The following ITGA1 variants were observed in gnomAD, a reference collection of about 807,000 sequenced individuals.
The protein encoded by ITGA1 is integrin alpha-1.
In ITGA1, 85 loss-of-function variants were observed where a neutral mutation model predicts 145.9. The ratio of observed to expected loss-of-function variants is 0.58; its 90% CI spans 0.49 to 0.70. The LOEUF (loss-of-function observed/expected upper bound fraction) is 0.70, where lower values mean the gene tolerates loss of function less well. ITGA1 is among the 30% of genes least tolerant of loss of function. The probability of loss-of-function intolerance (pLI) is 0.00; values close to 1 mark genes in which losing one functional copy is unlikely to be tolerated. For missense variants in ITGA1, 1,351 were observed against 1,418.7 expected (o/e 0.95, Z 0.77); for synonymous variants, 520 against 495.3 (o/e 1.05, Z -0.66).
intron 19 of ITGA1, 44 bp from the exon 20 acceptor site, chr5:52,927,540 T>C (rs1750830107): frequency 7.4e-7 from 1 of 1,360,506 alleles, no homozygotes; most frequent in East Asian, 2.3e-5. Context: ...TATCAATATT[T>C]CACCTGCTTG....
intron 22 of ITGA1, chr5:52,932,403 C>T: frequency 3.6e-6 from 1 of 274,736 alleles, no homozygotes; most frequent in Non-Finnish European, 6.8e-6. Context: ...ATTGCATTTG[C>T]TGTCCAGTCT....
At chr5:52,912,711 AGTGTGTGTGTGTGT>A (rs67318879) in intron 14 of ITGA1, among the ~76,000 whole-genome samples, 1 of 132,370 alleles carries the variant, frequency 7.6e-6, no homozygotes, top group African/African-American at 2.9e-5. Flanking sequence ...CTATATATAT[AGTGTGTGTGTGTGT>A]GTGTGTGTGT....
At chr5:52,817,248 G>A in intron 1 of ITGA1, among the ~76,000 whole-genome samples, 1 of 152,170 alleles carries the variant, frequency 6.6e-6, no homozygotes, top group East Asian at 1.9e-4. Flanking sequence ...AGGTAGAGAA[G>A]GAAGTGTCCC....
chr5:52,883,453 A>T (rs1392373737), intron 7 of ITGA1, among the ~76,000 whole-genome samples: 1 of 152,230 alleles, frequency 6.6e-6, no homozygotes. Flanking sequence ...AATTTTGATT[A>T]TACATTAAAA....
chr5:52,921,018 G>A (rs1750723544), intron 17 of ITGA1, among the ~76,000 whole-genome samples: 1 of 151,788 alleles, frequency 6.6e-6, no homozygotes. Flanking sequence ...AGTGGATGAG[G>A]GAGTTTTGGA....
chr5:52,907,190 G>A (rs752587217), intron 12 of ITGA1, among the ~76,000 whole-genome samples: 1 of 152,194 alleles, frequency 6.6e-6, no homozygotes, highest in Non-Finnish European at 1.5e-5. Context: ...CTAAAGGTCA[G>A]CTCCTCAAGT....
chr5:52,911,374 G>A (rs574640198), intron 14 of ITGA1, among the ~76,000 whole-genome samples: 1 of 131,930 alleles, frequency 7.6e-6, no homozygotes, highest in Non-Finnish European at 1.6e-5. Flanking sequence ...TATATAGTGA[G>A]TATATAGTAT....
intron 9 of ITGA1, among the ~76,000 whole-genome samples, chr5:52,896,159 G>C (rs1750220357): frequency 6.6e-6 from 1 of 152,222 alleles, no homozygotes; most frequent in African/African-American, 2.4e-5. Context: ...CCAGGGAGAA[G>C]TTTGAAGCAA....
At chr5:52,887,521 T>C (rs968514708) in intron 7 of ITGA1, among the ~76,000 whole-genome samples, 1 of 152,228 alleles carries the variant, frequency 6.6e-6, no homozygotes, top group African/African-American at 2.4e-5. Flanking sequence ...CCATGATGTA[T>C]GCCTCAGTCA....
chr5:52,797,278 T>G (rs1421241793), intron 1 of ITGA1, among the ~76,000 whole-genome samples: 2 of 152,058 alleles, frequency 1.3e-5, no homozygotes, highest in Non-Finnish European at 2.9e-5. Context: ...CACACTGATA[T>G]TTTTTAAAAT....
In ITGA1 at chr5:52,897,529, G is replaced by A; in HGVS notation, c.1164+1G>A. The A allele has an allele frequency of 6.2e-7, 1 of 1,610,386 alleles. No individual in the cohort carries two copies. The highest frequency in any genetic ancestry group is 8.5e-7 in the Non-Finnish European group (1 of 1,176,978). On this transcript the variant is annotated splice_donor_variant, in intron 10 of 28. Coordinates refer to ENST00000282588, the MANE Select transcript of ITGA1 (RefSeq NM_181501.2). LOFTEE classifies it high-confidence loss of function. ...TGGCTTCAGTGCTCATTATTCACAGGTATGTTGACCAGTTGGTGAAAAATG... is the reference window on the plus strand; with the variant it reads ...TGGCTTCAGTGCTCATTATTCACAGATATGTTGACCAGTTGGTGAAAAATG...
intron 8 of ITGA1, among the ~76,000 whole-genome samples, chr5:52,890,335 A>G (rs1027100354): frequency 5.9e-5 from 9 of 152,190 alleles, no homozygotes; most frequent in African/African-American, 1.7e-4. Context: ...ATATTTTGGA[A>G]CTTTTAAAAC....
At chr5:52,820,719 G>A (rs1032489106) in intron 1 of ITGA1, among the ~76,000 whole-genome samples, 10 of 152,164 alleles carry the variant, frequency 6.6e-5, no homozygotes, top group South Asian at 2.1e-4. Context: ...CCTAACTGCC[G>A]CAGAAAAACT....
chr5:52,805,157 A>C (rs953641531), intron 1 of ITGA1, among the ~76,000 whole-genome samples: 2 of 152,138 alleles, frequency 1.3e-5, no homozygotes, highest in African/African-American at 4.8e-5. Context: ...AAAGGGGAAG[A>C]AGAAATATGG....
At chr5:52,920,733 C>G (rs1750718096) in intron 17 of ITGA1, among the ~76,000 whole-genome samples, 1 of 152,166 alleles carries the variant, frequency 6.6e-6, no homozygotes, top group Admixed American at 6.6e-5. Context: ...ACACAGTGTT[C>G]TAGTTGACAA....
chr5:52,878,978 A>G (rs1485866718), intron 6 of ITGA1, among the ~76,000 whole-genome samples: 2 of 148,040 alleles, frequency 1.4e-5, no homozygotes, highest in East Asian at 4.0e-4. Context: ...AAAAAAAAAA[A>G]TGGCAGTATT....
intron 26 of ITGA1, among the ~76,000 whole-genome samples, chr5:52,943,038 T>G (rs1401880298): frequency 6.6e-6 from 1 of 152,212 alleles, no homozygotes; most frequent in African/African-American, 2.4e-5. Context: ...CTTGACTTCT[T>G]CTATTCCTAT....
intron 1 of ITGA1, 142 bp from the exon 2 acceptor site, chr5:52,849,219 ACCTT>A: frequency 1.7e-6 from 1 of 582,622 alleles, no homozygotes; most frequent in Non-Finnish European, 2.8e-6. Context: ...AAGAGTGGAG[ACCTT>A]CCTTGAGTTT....
intron 8 of ITGA1, among the ~76,000 whole-genome samples, chr5:52,892,472 G>A (rs1750166332): frequency 6.6e-6 from 1 of 152,140 alleles, no homozygotes; most frequent in Admixed American, 6.6e-5. Flanking sequence ...TTCACTTATT[G>A]TATGACCCAG....
Sources: allele counts gnomAD v4.1 joint callset (sites outside exome capture counted in the v4.1 genomes callset), GRCh38; gene constraint gnomAD v4.1.1; transcripts MANE v1.5; gene names NCBI Gene and HGNC (gene_info 2026-07-23, HGNC 2026-07-21).